KIF16B: variants seen among roughly 807,000 people sequenced by gnomAD.
KIF16B encodes the protein kinesin family member 16B.
A neutral mutation model predicts 156.3 loss-of-function variants in KIF16B; 98 were observed. That is an observed-to-expected ratio of 0.63 (90% confidence interval 0.53 to 0.74). The LOEUF (loss-of-function observed/expected upper bound fraction) is 0.74. KIF16B is among the 30% of genes least tolerant of loss of function. KIF16B has a pLI of 0.00. For missense variants in KIF16B, 1,421 were observed against 1,606.5 expected (o/e 0.88, Z 1.97); for synonymous variants, 564 against 583.7 (o/e 0.97, Z 0.49).
Position 16,573,337 on chromosome 20 carries a change from A to T in KIF16B, c.-62T>A. 1.9e-6 allele frequency: 3 copies of T among 1,567,900 alleles called. No homozygotes were observed. The highest frequency in any genetic ancestry group is 2.6e-6 in the Non-Finnish European group (3 of 1,147,422). ...GCCCAGAACTCCGCGGTCGCCGGCG[A>T]CGCTGGCTACTCAGATCGCGGCTCC... On this transcript the variant is annotated 5_prime_UTR_variant, in exon 1 of 26. Transcript: ENST00000354981.
chr20:16,384,672 T>C (rs1162974684), intron 17 of KIF16B, among the ~76,000 whole-genome samples: 2 of 152,042 alleles, frequency 1.3e-5, no homozygotes, highest in Non-Finnish European at 2.9e-5. Flanking sequence ...AGAGACAAGT[T>C]AGTGGTAGCA....
chr20:16,306,604 T>C (rs569775632), intron 25 of KIF16B, among the ~76,000 whole-genome samples: 11 of 152,294 alleles, frequency 7.2e-5, no homozygotes, highest in South Asian at 2.1e-4. Context: ...TCTGCTGTCA[T>C]TGACTTTGCA....
intron 12 of KIF16B, among the ~76,000 whole-genome samples, chr20:16,486,887 C>T (rs973028417): frequency 3.9e-5 from 6 of 152,066 alleles, no homozygotes; most frequent in African/African-American, 7.2e-5. Context: ...TAGGAGAAAT[C>T]GATGACCATA....
chr20:16,515,731 T>C (rs1200858654), intron 3 of KIF16B, 67 bp from the exon 4 acceptor site: 6 of 839,640 alleles, frequency 7.1e-6, no homozygotes, highest in Non-Finnish European at 1.2e-5. Flanking sequence ...CCCTTCAGTG[T>C]TGACAATGTT....
Position 16,356,465 on chromosome 20 carries a change from T to C in KIF16B, c.3499-13A>G, listed in dbSNP as rs780448123. ...GAGAAACCATCCGCTATCAAAGGCA[T>C]GTCAGACAGGGAGAACAAAGAGAAA... On this transcript the variant is annotated splice_polypyrimidine_tract_variant and intron_variant, in intron 22 of 25. Coordinates refer to ENST00000354981, the MANE Select transcript of KIF16B (RefSeq NM_024704.5). 5 of 1,613,842 alleles carry C rather than the reference T, an allele frequency of 3.1e-6. No individual in the cohort carries two copies. In the East Asian group the frequency reaches 6.7e-5, roughly 22 times the overall value.
chr20:16,291,091 A>C (rs147862427), intron 25 of KIF16B, among the ~76,000 whole-genome samples: 1 of 152,364 alleles, frequency 6.6e-6, no homozygotes, highest in African/African-American at 2.4e-5. Context: ...GTCGTTGAAC[A>C]AATGATGCAA....
intron 20 of KIF16B, among the ~76,000 whole-genome samples, chr20:16,373,530 A>T (rs76016228): frequency 0.011 from 1,715 of 152,350 alleles, 29 homozygotes; most frequent in African/African-American, 0.037. Flanking sequence ...TAACTAAAGT[A>T]ACATCAGATA....
At chr20:16,479,316 A>G (rs1262057858) in intron 12 of KIF16B, among the ~76,000 whole-genome samples, 1 of 152,172 alleles carries the variant, frequency 6.6e-6, no homozygotes, top group Non-Finnish European at 1.5e-5. Flanking sequence ...GTGAATATAA[A>G]GAAGACACAG....
chr20:16,467,173 C>A (rs955694602), intron 12 of KIF16B, among the ~76,000 whole-genome samples: 4 of 152,228 alleles, frequency 2.6e-5, no homozygotes, highest in African/African-American at 9.6e-5. Flanking sequence ...TGCAGCCATC[C>A]TGTCCCACAC....
intron 24 of KIF16B, 80 bp downstream of exon 24, chr20:16,335,846 G>A: frequency 1.2e-6 from 1 of 844,352 alleles, no homozygotes. Context: ...CAGAGAGAGA[G>A]ATAACATTGC....
At chr20:16,526,660 T>A (rs6135785) in intron 2 of KIF16B, among the ~76,000 whole-genome samples, 1 of 152,174 alleles carries the variant, frequency 6.6e-6, no homozygotes, top group Non-Finnish European at 1.5e-5. Context: ...GGACACTCCA[T>A]GGAGAAGTAA....
rs190991658 is a variant in KIF16B at position 16,282,688 on chromosome 20, C to T, written c.3796-9277G>A. On this transcript the variant is annotated intron_variant, in intron 25 of 25. Transcript: ENST00000354981. The stretch of plus-strand genomic sequence containing the variant: ...TTGTCTAGCGTGACTAGACCAGGCC[C>T]ACAGGCACAGAGCATTCAGCAGATA... 1.1e-4 allele frequency among the ~76,000 whole-genome samples: 17 copies of T among 152,154 alleles called. No homozygotes were observed. The East Asian group carries it at 3.1e-3, about 28-fold the overall frequency.
At chr20:16,507,335 C>T (rs948922705) in intron 7 of KIF16B, among the ~76,000 whole-genome samples, 2 of 152,040 alleles carry the variant, frequency 1.3e-5, no homozygotes, top group African/African-American at 4.8e-5. Context: ...ACTGTTAACC[C>T]AGATAAGGAC....
intron 20 of KIF16B, 23 bp downstream of exon 20, chr20:16,374,234 G>A: frequency 1.3e-6 from 2 of 1,515,458 alleles, no homozygotes; most frequent in Non-Finnish European, 1.8e-6. Flanking sequence ...TGAGAAGCCT[G>A]GAATCACTTT....
rs375460814 is a variant in KIF16B, at chr20:16,506,490, G to T, written c.700-300C>A. 3.3e-4 allele frequency among the ~76,000 whole-genome samples: 51 copies of T among 152,288 alleles called. No individual in the cohort carries two copies. The South Asian group carries it at 0.011, about 32-fold the overall frequency. On this transcript the variant is annotated intron_variant, in intron 7 of 25. Transcript: ENST00000354981. ...TAGGCACTGAGTGGCACTCAGCAGA[G>T]AAATGTAAGTAAGCAAATAATAATT...
chr20:16,551,123 CTT>C (rs988506941), intron 1 of KIF16B, among the ~76,000 whole-genome samples: 3 of 124,542 alleles, frequency 2.4e-5, no homozygotes, highest in African/African-American at 8.7e-5. Flanking sequence ...CAGTGAGGGG[CTT>C]TCTCTTCTTT....
At chr20:16,440,533 G>GCGCACACA (rs1490804040) in intron 12 of KIF16B, among the ~76,000 whole-genome samples, 4 of 138,252 alleles carry the variant, frequency 2.9e-5, no homozygotes, top group Non-Finnish European at 6.2e-5. Flanking sequence ...ACAAGCGCGC[G>GCGCACACA]CACACACACA....
In KIF16B at chr20:16,409,185, G is replaced by A. The variant is rs1268600692; in HGVS notation, c.1613-2729C>T. On this transcript the variant is annotated intron_variant, in intron 15 of 25. Coordinates refer to ENST00000354981, the MANE Select transcript of KIF16B (RefSeq NM_024704.5). ...ACTAGAGAAGGATATCTTCAAGGGA[G>A]GTGGTGTCTAAAACAAGCTCTGAGA... 3.3e-5 allele frequency among the ~76,000 whole-genome samples: 5 copies of A among 152,222 alleles called. No individual in the cohort carries two copies. The East Asian group carries it at 5.8e-4, about 18-fold the overall frequency.
At position 16,389,233 on chromosome 20, in the gene KIF16B, C is replaced by T. The variant is rs148113395; in HGVS notation, c.1785-7486G>A. ...TGGGCATGTGACCCATGCAGCTGCA[C>T]AGGGCCCTGTGCTCAGACAGGTCCC... On this transcript the variant is annotated intron_variant, in intron 17 of 25. Coordinates refer to ENST00000354981, the MANE Select transcript of KIF16B (RefSeq NM_024704.5). Among the ~76,000 whole-genome samples the T allele has an allele frequency of 4.1e-3, 618 of 152,284 alleles. 3 individuals carry two copies. The highest frequency in any genetic ancestry group is 0.014 in the African/African-American group (588 of 41,552).
Sources: allele counts gnomAD v4.1 joint callset (sites outside exome capture counted in the v4.1 genomes callset), GRCh38; gene constraint gnomAD v4.1.1; transcripts MANE v1.5; gene names NCBI Gene and HGNC (gene_info 2026-07-23, HGNC 2026-07-21).